CCDC88A: variants seen among roughly 807,000 people sequenced by gnomAD.
CCDC88A encodes the protein girdin.
Under a neutral mutation model 234.3 loss-of-function variants are expected in CCDC88A, and 54 were observed. The ratio of observed to expected loss-of-function variants is 0.23; its 90% CI spans 0.19 to 0.29. CCDC88A has a LOEUF of 0.29. Ranked by LOEUF, CCDC88A falls within the 10% of genes least tolerant of loss-of-function variation. The pLI, the probability that CCDC88A is intolerant of heterozygous loss-of-function variation, is 1.00. For synonymous variants in CCDC88A, 753 were observed against 737.8 expected, an observed-to-expected ratio of 1.02 and a Z score of -0.33; for missense variants, 1,832 against 2,123.4, an observed-to-expected ratio of 0.86 and a Z score of 2.70.
At chr2:55,373,657 C>G (rs1044675845) in intron 4 of CCDC88A, among the ~76,000 whole-genome samples, 4 of 152,068 alleles carry the variant, frequency 2.6e-5, no homozygotes, top group Admixed American at 1.3e-4. Flanking sequence ...AGGTACTTAC[C>G]AAATGTATGT....
chr2:55,414,785 G>C (rs1681075586), intron 2 of CCDC88A, among the ~76,000 whole-genome samples: 1 of 152,068 alleles, frequency 6.6e-6, no homozygotes, highest in Admixed American at 6.6e-5. Context: ...AAGGTTCCTG[G>C]CCAGGTGTGG....
intron 2 of CCDC88A, among the ~76,000 whole-genome samples, chr2:55,412,010 C>T (rs1235749640): frequency 6.6e-6 from 1 of 151,994 alleles, no homozygotes; most frequent in East Asian, 1.9e-4. Context: ...AAACAGAAGA[C>T]AAACTAAAAA....
In CCDC88A at chr2:55,358,642, G is replaced by A. The variant is rs1020109822; in HGVS notation, c.628-2891C>T. On this transcript the variant is annotated intron_variant, in intron 7 of 32. Coordinates refer to ENST00000436346, the MANE Select transcript of CCDC88A (RefSeq NM_001365480.1). ...CAATTTGCCAAAGAAACAAAACCAC[G>A]TGGGATTAACTCCTTTATTCTTATG... 2.6e-5 allele frequency among the ~76,000 whole-genome samples: 4 copies of A among 152,018 alleles called. No individual in the cohort carries two copies. In the East Asian group the frequency reaches 7.7e-4, roughly 29 times the overall value.
At position 55,299,738 on chromosome 2, in the gene CCDC88A, TG is replaced by T. The variant is rs1680651768; in HGVS notation, c.4825+100del. 3 of 727,236 alleles carry T rather than the reference TG, an allele frequency of 4.1e-6. No homozygotes were observed. The South Asian group carries it at 5.2e-5, about 13-fold the overall frequency. 45.0% of individuals were successfully genotyped at this position (727,236 alleles called of 1,614,324 possible). ...CAAACAACTATGTTCCAAACATAGATGATTTGGATTTCATGCTTTACCCCAG... is the reference window on the plus strand; with the variant it reads ...CAAACAACTATGTTCCAAACATAGATATTTGGATTTCATGCTTTACCCCAG... On this transcript the variant is annotated intron_variant, in intron 29 of 32. Transcript: ENST00000436346.
intron 6 of CCDC88A, chr2:55,363,745 A>C: frequency 2.4e-6 from 1 of 417,590 alleles, no homozygotes; most frequent in South Asian, 5.8e-5. Context: ...TATAGAATAA[A>C]GGCAAGAGTA....
Position 55,383,901 on chromosome 2 carries a change from T to C in CCDC88A, c.273+4877A>G, listed in dbSNP as rs185340714. ...TCAGTAAGTCTATTAACTGTATATA[T>C]AAAATGTCTGACCTATTTCTGAAGA... On this transcript the variant is annotated intron_variant, in intron 3 of 32. Transcript: ENST00000436346. Among the ~76,000 whole-genome samples, 11 of 152,262 alleles carry C rather than the reference T, an allele frequency of 7.2e-5. No homozygotes were observed. In the East Asian group the frequency reaches 9.6e-4, roughly 13 times the overall value.
At chr2:55,381,597 A>G (rs1417193841) in intron 3 of CCDC88A, among the ~76,000 whole-genome samples, 1 of 151,834 alleles carries the variant, frequency 6.6e-6, no homozygotes, top group Non-Finnish European at 1.5e-5. Context: ...TACAGACTAT[A>G]CATTACAAAT....
chr2:55,343,896 A>AAC, intron 11 of CCDC88A, 104 bp from the exon 12 acceptor site: 2 of 962,176 alleles, frequency 2.1e-6, no homozygotes, highest in South Asian at 4.3e-5. Flanking sequence ...AAACTCAGTA[A>AAC]TAATTATGAG....
Position 55,317,144 on chromosome 2 carries a change from C to T in CCDC88A, c.3746+62G>A. 3.2e-6 allele frequency: 2 copies of T among 630,546 alleles called. No individual in the cohort carries two copies. Among genetic ancestry groups the T allele is most frequent in the Non-Finnish European group, 4.6e-6 (2 of 432,526 alleles). The allele number at this position is 630,546 out of a possible 1,614,324, so 39.1% of individuals were successfully genotyped here. On this transcript the variant is annotated intron_variant, in intron 21 of 32. Coordinates refer to ENST00000436346, the MANE Select transcript of CCDC88A (RefSeq NM_001365480.1). The surrounding 1 kb of genome is among the most constrained non-coding windows in gnomAD (Gnocchi z 4.2). ...ATAATTTTGAAAAAACATATATATA[C>T]ACATATATATGTATATACTTTCTAT...
chr2:55,367,987 G>T (rs1399020983), intron 5 of CCDC88A, among the ~76,000 whole-genome samples: 1 of 152,176 alleles, frequency 6.6e-6, no homozygotes, highest in African/African-American at 2.4e-5. Context: ...AAAAAGAGAT[G>T]AATTTCACAT....
chr2:55,374,806 A>G lies in CCDC88A; in HGVS notation c.343+8T>C, dbSNP rs370735208. 3.8e-5 allele frequency: 60 copies of G among 1,571,198 alleles called. No homozygotes were observed. The highest frequency in any genetic ancestry group is 5.1e-5 in the Non-Finnish European group (58 of 1,142,350). On this transcript the variant is annotated splice_region_variant and intron_variant, in intron 4 of 32. Coordinates refer to ENST00000436346, the MANE Select transcript of CCDC88A (RefSeq NM_001365480.1). ...ACATTACTTTCACAGCTTAATTTTA[A>G]TACTTACCAGAAAAGGGATTTTTGC...
chr2:55,394,947 G>C (rs1383219294), intron 2 of CCDC88A, among the ~76,000 whole-genome samples: 1 of 152,068 alleles, frequency 6.6e-6, no homozygotes, highest in Non-Finnish European at 1.5e-5. Context: ...CTGGGTTCAA[G>C]TGATTCTCCT....
chr2:55,322,031 G>T (rs953994158), intron 18 of CCDC88A, among the ~76,000 whole-genome samples: 1 of 151,534 alleles, frequency 6.6e-6, no homozygotes, highest in African/African-American at 2.4e-5. Flanking sequence ...TTGTTTGCTT[G>T]TTGTTTACTG....
Position 55,309,633 on chromosome 2 carries a change from T to C in CCDC88A, c.4080-379A>G, listed in dbSNP as rs996285355. ...GATTTACTTGTAGAGAACCATTTCC[T>C]GACTCCAGCAATGCATGAGTCATCG... On this transcript the variant is annotated intron_variant, in intron 23 of 32. Coordinates refer to ENST00000436346, the MANE Select transcript of CCDC88A (RefSeq NM_001365480.1). This position sits in a 1 kb window ranked among gnomAD's most constrained non-coding sequence, Gnocchi z 5.1. Among the ~76,000 whole-genome samples the C allele has an allele frequency of 6.6e-6, 1 of 152,218 alleles. No homozygotes were observed.
intron 12 of CCDC88A, among the ~76,000 whole-genome samples, chr2:55,341,673 G>A (rs1416437956): frequency 1.3e-5 from 2 of 151,616 alleles, no homozygotes; most frequent in Non-Finnish European, 2.9e-5. Context: ...TTGAACTCTT[G>A]ACCTCGTGAT....
chr2:55,387,332 A>G lies in CCDC88A; in HGVS notation c.273+1446T>C, dbSNP rs565847546. ...AGAATGACTAGAATTAAAACATTCT[A>G]AAGTCATAGCACTATTCCATAAAAG... On this transcript the variant is annotated intron_variant, in intron 3 of 32. Transcript: ENST00000436346. 5.9e-5 allele frequency among the ~76,000 whole-genome samples: 9 copies of G among 152,272 alleles called. No individual in the cohort carries two copies. The South Asian group carries it at 1.2e-3, about 21-fold the overall frequency.
At chr2:55,302,958 G>A (rs1444269401) in intron 26 of CCDC88A, 111 bp downstream of exon 26, 2 of 737,266 alleles carry the variant, frequency 2.7e-6, no homozygotes, top group African/African-American at 1.8e-5. Context: ...GAGGAAGACT[G>A]ACCTCTGCAA....
Position 55,315,934 on chromosome 2 carries a change from C to A in CCDC88A, c.3927G>T (p.Gln1309His). 1 of 1,529,144 alleles carries A rather than the reference C, an allele frequency of 6.5e-7. No individual in the cohort carries two copies. Among genetic ancestry groups the A allele is most frequent in the South Asian group, 1.3e-5 (1 of 76,264 alleles). The allele number at this position is 1,529,144 out of a possible 1,614,324, so 94.7% of individuals were successfully genotyped here. Residue 1309 changes from glutamine to histidine, a missense_variant, in exon 22 of 33, where the codon CAG becomes CAT. By Grantham distance (24) the Gln-to-His change is conservative (BLOSUM62 0). Transcript: ENST00000436346. ...LDITSTKLNN[Q>H]CELLSQLKGN... ...TTAAACTTTTTAAGCTCACCTCACA[C>A]TGGTTATTCAGCTTGGTTGATGTAA...
chr2:55,295,272 T>G, intron 31 of CCDC88A: 6 of 1,385,664 alleles, frequency 4.3e-6, no homozygotes, highest in Non-Finnish European at 5.8e-6. Context: ...AGAAGCCTGG[T>G]CAGTTATTCT....
Sources: gnomAD v4.1 joint callset for allele counts (sites outside exome capture counted in the v4.1 genomes callset) on GRCh38, gnomAD v4.1.1 for gene constraint, Gnocchi (gnomAD v3.1) non-coding constraint, MANE v1.5 for transcripts, NCBI Gene and HGNC (gene_info 2026-07-23, HGNC 2026-07-21) for gene names.